The following UNC5D variants were observed in gnomAD, a reference collection of about 807,000 sequenced individuals.
UNC5D encodes unc-5 netrin receptor D.
Under a neutral mutation model 105.4 loss-of-function variants are expected in UNC5D, and 39 were observed. The observed-to-expected ratio is 0.37, with a 90% confidence interval of 0.29 to 0.48. UNC5D has a LOEUF of 0.48. Ranked by LOEUF, UNC5D falls within the 20% of genes least tolerant of loss-of-function variation. The probability of loss-of-function intolerance (pLI) is 0.98; values close to 1 mark genes in which losing one functional copy is unlikely to be tolerated. For missense variants in UNC5D, 991 were observed against 1,202.4 expected (o/e 0.82, Z 2.60); for synonymous variants, 452 against 450.4 (o/e 1.00, Z -0.04).
At chr8:35,641,870 AG>A (rs1822771095) in intron 4 of UNC5D, among the ~76,000 whole-genome samples, 1 of 152,162 alleles carries the variant, frequency 6.6e-6, no homozygotes. Flanking sequence ...CTAAATAAAA[AG>A]GGCTGGCACA....
intron 3 of UNC5D, among the ~76,000 whole-genome samples, chr8:35,569,008 GA>G (rs1817548291): frequency 6.8e-6 from 1 of 148,136 alleles, no homozygotes; most frequent in South Asian, 2.1e-4. Flanking sequence ...TTAAAACATG[GA>G]AATGGGTTTT....
At chr8:35,661,962 C>A (rs970601969) in intron 4 of UNC5D, among the ~76,000 whole-genome samples, 31 of 152,106 alleles carry the variant, frequency 2.0e-4, no homozygotes, top group African/African-American at 7.0e-4. Context: ...TCTTCTCCTG[C>A]CACTCCACAT....
chr8:35,790,238 T>G, intron 16 of UNC5D, 121 bp from the exon 17 acceptor site: 1 of 1,095,848 alleles, frequency 9.1e-7, no homozygotes, highest in African/African-American at 1.6e-5. Flanking sequence ...TACTATAGCT[T>G]TTTATCCCTA....
chr8:35,480,395 A>G (rs564332216), intron 1 of UNC5D, among the ~76,000 whole-genome samples: 54 of 152,318 alleles, frequency 3.5e-4, no homozygotes, highest in African/African-American at 1.3e-3. Flanking sequence ...AAGAGTTGTC[A>G]GTGAGACTAA....
At chr8:35,341,451 T>C (rs568955734) in intron 1 of UNC5D, among the ~76,000 whole-genome samples, 1 of 151,856 alleles carries the variant, frequency 6.6e-6, no homozygotes, top group East Asian at 1.9e-4. Context: ...TTTTTTTTTT[T>C]CTGTTTTTTT....
rs1001271396 is a variant in UNC5D at position 35,530,838 on chromosome 8, G to T, written c.104-18454G>T. On this transcript the variant is annotated intron_variant, in intron 1 of 16. Coordinates refer to ENST00000404895, the MANE Select transcript of UNC5D (RefSeq NM_080872.4). ...GATTTTCTAGTTTATTTGCATAGAG[G>T]TGTTTGTAATATTCTCTGATGGTAG... Among the ~76,000 whole-genome samples, 20 of 146,038 alleles carry T rather than the reference G, an allele frequency of 1.4e-4. No homozygotes were observed. The Middle Eastern group carries it at 0.01, about 76-fold the overall frequency.
chr8:35,248,979 TTATATAATATATTATATATAAACA>T (rs1222814167), intron 1 of UNC5D, among the ~76,000 whole-genome samples: 8 of 85,766 alleles, frequency 9.3e-5, no homozygotes, highest in African/African-American at 1.9e-4. Context: ...TTATATATTT[TTATATAATATATTATATATAAACA>T]TATATAATAT....
chr8:35,606,207 C>G (rs1308086043), intron 4 of UNC5D, among the ~76,000 whole-genome samples: 2 of 152,030 alleles, frequency 1.3e-5, no homozygotes, highest in Non-Finnish European at 2.9e-5. Context: ...AGGCTCATCT[C>G]TAACTCCTGA....
intron 7 of UNC5D, among the ~76,000 whole-genome samples, 172 bp from the exon 8 acceptor site, chr8:35,705,757 A>T (rs1002269483): frequency 1.3e-4 from 20 of 152,270 alleles, no homozygotes; most frequent in South Asian, 2.1e-4. Flanking sequence ...AAAAGAGAAA[A>T]TTTTTTTAAA....
chr8:35,249,692 A>G (rs1320201180), intron 1 of UNC5D, among the ~76,000 whole-genome samples: 1 of 152,064 alleles, frequency 6.6e-6, no homozygotes, highest in Admixed American at 6.5e-5. Context: ...GACCATAATA[A>G]CGTGCAAAAA....
Position 35,700,022 on chromosome 8 carries a change from C to T in UNC5D, c.1085-5907C>T, listed in dbSNP as rs1339903827. ...TGAACACTCGGAGGAGAACAGAATC[C>T]CCACTTGCCATTGTCTCCCTGACAT... On this transcript the variant is annotated intron_variant, in intron 7 of 16. Coordinates refer to ENST00000404895, the MANE Select transcript of UNC5D (RefSeq NM_080872.4). Among the ~76,000 whole-genome samples the T allele has an allele frequency of 3.9e-5, 6 of 152,228 alleles. No individual in the cohort carries two copies. In the East Asian group the frequency reaches 5.8e-4, roughly 15 times the overall value.
At chr8:35,380,633 A>G (rs539176843) in intron 1 of UNC5D, among the ~76,000 whole-genome samples, 1 of 152,144 alleles carries the variant, frequency 6.6e-6, no homozygotes, top group East Asian at 1.9e-4. Flanking sequence ...TGGCCTCTAG[A>G]TTAGAAAGTC....
intron 2 of UNC5D, among the ~76,000 whole-genome samples, chr8:35,566,029 T>C (rs2579896): frequency 0.47 from 71,715 of 152,060 alleles, 20,898 homozygotes; most frequent in African/African-American, 0.82. Context: ...ATCATCATCA[T>C]CTGTAAGGCT....
Position 35,672,148 on chromosome 8 carries a change from C to T in UNC5D, c.571-11399C>T, listed in dbSNP as rs141354636. On this transcript the variant is annotated intron_variant, in intron 4 of 16. Transcript: ENST00000404895. ...ATTAATTGTATGTAACTCAGGCATC[C>T]GCTTTTAACACCCATTTATGTATGA... Among the ~76,000 whole-genome samples the T allele has an allele frequency of 5.9e-5, 9 of 152,186 alleles. No homozygotes were observed. The East Asian group carries it at 1.5e-3, about 26-fold the overall frequency.
intron 1 of UNC5D, among the ~76,000 whole-genome samples, chr8:35,272,687 T>A (rs528833427): frequency 2.2e-4 from 33 of 152,272 alleles, no homozygotes; most frequent in African/African-American, 7.5e-4. Flanking sequence ...GACTCAGGGG[T>A]GCTGTAGGAC....
chr8:35,755,478 A>ATGTGTGTGTGTGTGTGTGTGTG (rs140830705), intron 13 of UNC5D, among the ~76,000 whole-genome samples: 24 of 150,498 alleles, frequency 1.6e-4, no homozygotes, highest in African/African-American at 5.6e-4. Flanking sequence ...ATTTGTGTGT[A>ATGTGTGTGTGTGTGTGTGTGTG]TGTGTGTGTG....
chr8:35,783,949 ATTAGT>A (rs1336415412), intron 16 of UNC5D, among the ~76,000 whole-genome samples: 8 of 152,198 alleles, frequency 5.3e-5, no homozygotes, highest in Middle Eastern at 3.2e-3. Flanking sequence ...TAACAAGGTT[ATTAGT>A]TTAAAGATGT....
At chr8:35,280,992 G>A (rs1022820985) in intron 1 of UNC5D, among the ~76,000 whole-genome samples, 4 of 152,078 alleles carry the variant, frequency 2.6e-5, no homozygotes, top group African/African-American at 9.7e-5. Flanking sequence ...ACATCTCTCA[G>A]CTTGATGCCT....
intron 10 of UNC5D, among the ~76,000 whole-genome samples, chr8:35,730,061 A>G (rs1829103002): frequency 6.6e-6 from 1 of 152,240 alleles, no homozygotes; most frequent in Non-Finnish European, 1.5e-5. Flanking sequence ...AGCTCTAATG[A>G]AAGGAAAAGA....
Sources: gnomAD v4.1 joint callset for allele counts (sites outside exome capture counted in the v4.1 genomes callset) on GRCh38, gnomAD v4.1.1 for gene constraint, MANE v1.5 for transcripts, NCBI Gene and HGNC (gene_info 2026-07-23, HGNC 2026-07-21) for gene names.